The following STOML3 variants were observed in gnomAD, a reference collection of about 807,000 sequenced individuals.
STOML3 encodes stomatin like 3.
In STOML3, 31 loss-of-function variants were observed where a neutral mutation model predicts 29.5. The observed-to-expected ratio is 1.05, with a 90% CI of 0.79 to 1.42. STOML3 has a LOEUF of 1.42. Ranked by LOEUF, STOML3 falls within the 40% of genes most tolerant of loss-of-function variation. The pLI, the probability that STOML3 is intolerant of heterozygous loss-of-function variation, is 0.00. For missense variants in STOML3, 380 were observed against 363.0 expected, an observed-to-expected ratio of 1.05 and a Z score of -0.38; for synonymous variants, 122 against 139.8, an observed-to-expected ratio of 0.87 and a Z score of 0.90.
intron 1 of STOML3, among the ~76,000 whole-genome samples, chr13:38,978,055 C>T (rs1364905120): frequency 3.3e-5 from 5 of 151,630 alleles, no homozygotes; most frequent in East Asian, 2.0e-4. Context: ...CCACCGCGCC[C>T]GGCCAGGGAT....
intron 1 of STOML3, among the ~76,000 whole-genome samples, chr13:38,985,358 G>A (rs991700159): frequency 2.6e-5 from 4 of 152,108 alleles, no homozygotes; most frequent in African/African-American, 9.7e-5. Flanking sequence ...GGGAGGCAGA[G>A]TTTGCAATGA....
At chr13:38,973,778 A>G (rs1566205237) in intron 3 of STOML3, among the ~76,000 whole-genome samples, 1 of 152,224 alleles carries the variant, frequency 6.6e-6, no homozygotes, top group Non-Finnish European at 1.5e-5. Context: ...TATTTGCTCT[A>G]AAATACTGCA....
chr13:38,983,260 A>G lies in STOML3; in HGVS notation c.53-6463T>C, dbSNP rs73456149. ...GATTCCAGTACTCTTCCAGTAGCTCACTCCAGCCTTTAAAAACCCTACCAC... is the reference window on the plus strand; with the variant it reads ...GATTCCAGTACTCTTCCAGTAGCTCGCTCCAGCCTTTAAAAACCCTACCAC... On this transcript the variant is annotated intron_variant, in intron 1 of 6. Coordinates refer to ENST00000379631, the MANE Select transcript of STOML3 (RefSeq NM_145286.3). 3.2e-3 allele frequency among the ~76,000 whole-genome samples: 494 copies of G among 152,094 alleles called. 7 individuals carry two copies. Among genetic ancestry groups the G allele is most frequent in the African/African-American group, 0.011 (475 of 41,480 alleles).
At chr13:38,982,620 T>G (rs1262895932) in intron 1 of STOML3, among the ~76,000 whole-genome samples, 1 of 152,158 alleles carries the variant, frequency 6.6e-6, no homozygotes, top group Non-Finnish European at 1.5e-5. Context: ...AGAAAATAAA[T>G]CTTGGGACCC....
At chr13:38,978,481 C>A (rs1183055144) in intron 1 of STOML3, among the ~76,000 whole-genome samples, 1 of 152,096 alleles carries the variant, frequency 6.6e-6, no homozygotes, top group Non-Finnish European at 1.5e-5. Flanking sequence ...AATCCTTGTT[C>A]CTCCTTATTC....
intron 1 of STOML3, among the ~76,000 whole-genome samples, chr13:38,989,576 C>T (rs2138033747): frequency 6.6e-6 from 1 of 152,010 alleles, no homozygotes; most frequent in East Asian, 1.9e-4. Flanking sequence ...AATCTCAGCT[C>T]ACTGAAGCCT....
chr13:38,968,433 G>C lies in STOML3; in HGVS notation c.618C>G (p.Ala206=). Residue 206 remains alanine, a synonymous_variant, in exon 6 of 7, where the codon GCC becomes GCG. Coordinates refer to ENST00000379631, the MANE Select transcript of STOML3 (RefSeq NM_145286.3). ...IPVQLQRSMA[A]EAEATREARA... is the part of the protein sequence containing the mutation. ...TCGCTTCCCGGGTGGCCTCAGCCTC[G>C]GCTGCCATGGATCTCTGCAACTGCA... The C allele has an allele frequency of 6.2e-7, 1 of 1,613,964 alleles. No individual in the cohort carries two copies. Among genetic ancestry groups the C allele is most frequent in the Non-Finnish European group, 8.5e-7 (1 of 1,180,002 alleles).
intron 3 of STOML3, among the ~76,000 whole-genome samples, chr13:38,973,345 C>G (rs537700751): frequency 5.3e-5 from 8 of 152,172 alleles, no homozygotes; most frequent in Non-Finnish European, 8.8e-5. Flanking sequence ...ATGTCTTAGT[C>G]TGTTCAGGCT....
At chr13:38,984,502 T>C (rs1312778570) in intron 1 of STOML3, among the ~76,000 whole-genome samples, 3 of 152,182 alleles carry the variant, frequency 2.0e-5, no homozygotes, top group Non-Finnish European at 4.4e-5. Context: ...AAGATTATAA[T>C]AGTGTGTTTT....
At chr13:38,976,657 T>C in intron 2 of STOML3, 37 bp downstream of exon 2, 1 of 1,613,986 alleles carries the variant, frequency 6.2e-7, no homozygotes, top group Non-Finnish European at 8.5e-7. Flanking sequence ...GTTTGTCAGT[T>C]CATATAGATA....
At chr13:38,971,715 G>T (rs2138008594) in intron 4 of STOML3, among the ~76,000 whole-genome samples, 1 of 152,264 alleles carries the variant, frequency 6.6e-6, no homozygotes, top group Non-Finnish European at 1.5e-5. Context: ...CTGAGGTCAG[G>T]AGTTCGAGAG....
At chr13:38,977,871 T>C (rs956133413) in intron 1 of STOML3, among the ~76,000 whole-genome samples, 9 of 147,794 alleles carry the variant, frequency 6.1e-5, no homozygotes, top group Non-Finnish European at 1.3e-4. Context: ...GCCATTCTCC[T>C]GCCTCAGCCT....
At chr13:38,977,004 T>C (rs1881105211) in intron 1 of STOML3, among the ~76,000 whole-genome samples, 1 of 152,254 alleles carries the variant, frequency 6.6e-6, no homozygotes, top group Non-Finnish European at 1.5e-5. Flanking sequence ...AAAATTGACT[T>C]ATTCCTTCCA....
In STOML3 at chr13:38,976,563, TG is replaced by T; in HGVS notation, c.205del (p.Gln69LysfsTer10). On this transcript the variant is annotated frameshift_variant, in exon 3 of 7. Transcript: ENST00000379631. LOFTEE classifies it high-confidence loss of function. ...RAVVFRLGRI[Q>X]ADKAKGPGLI... ...ACCTGGCCCCTTGGCTTTGTCAGCTTGGATGCGTCCCAGACGGAATACAACA... is the reference window on the plus strand; with the variant it reads ...ACCTGGCCCCTTGGCTTTGTCAGCTTGATGCGTCCCAGACGGAATACAACA... The T allele has an allele frequency of 6.2e-7, 1 of 1,614,200 alleles. No homozygotes were observed. Among genetic ancestry groups the T allele is most frequent in the South Asian group, 1.1e-5 (1 of 91,084 alleles).
intron 1 of STOML3, among the ~76,000 whole-genome samples, chr13:38,988,577 C>A (rs1329985973): frequency 1.3e-4 from 1 of 7,952 alleles, no homozygotes; most frequent in Admixed American, 1.1e-3. Context: ...TATTTTATAT[C>A]ATATATTTTA....
chr13:38,979,611 A>G (rs1881205326), intron 1 of STOML3, among the ~76,000 whole-genome samples: 1 of 152,188 alleles, frequency 6.6e-6, no homozygotes, highest in Non-Finnish European at 1.5e-5. Flanking sequence ...TTACCTACTC[A>G]TCTACCTCAC....
chr13:38,976,044 G>A (rs905344211), intron 3 of STOML3, among the ~76,000 whole-genome samples: 1 of 152,068 alleles, frequency 6.6e-6, no homozygotes, highest in African/African-American at 2.4e-5. Flanking sequence ...GGCCAAAGGC[G>A]CCGTACAATG....
chr13:38,980,623 T>C (rs1397538378), intron 1 of STOML3, among the ~76,000 whole-genome samples: 2 of 152,194 alleles, frequency 1.3e-5, no homozygotes, highest in Non-Finnish European at 2.9e-5. Flanking sequence ...TCCACAAATG[T>C]GTGTATTCTC....
At chr13:38,972,151 T>C (rs1880892603) in intron 4 of STOML3, among the ~76,000 whole-genome samples, 1 of 152,180 alleles carries the variant, frequency 6.6e-6, no homozygotes, top group African/African-American at 2.4e-5. Flanking sequence ...CCATCTGCCC[T>C]CTGTCAGATT....
Sources: gnomAD v4.1 joint callset for allele counts (sites outside exome capture counted in the v4.1 genomes callset) on GRCh38, gnomAD v4.1.1 for gene constraint, MANE v1.5 for transcripts, NCBI Gene and HGNC (gene_info 2026-07-23, HGNC 2026-07-21) for gene names.